Variants in UBE3A observed in about 807,000 individuals in gnomAD.
The protein encoded by UBE3A is ubiquitin protein ligase E3A.
Under a neutral mutation model 83.4 loss-of-function variants are expected in UBE3A, and 6 were observed. That is an observed-to-expected ratio of 0.07 (90% CI 0.04 to 0.14). The LOEUF (loss-of-function observed/expected upper bound fraction) is 0.14, where lower values mean the gene tolerates loss of function less well. Ranked by LOEUF, UBE3A falls within the 10% of genes least tolerant of loss-of-function variation. The pLI is 1.00. For synonymous variants in UBE3A, 337 were observed against 355.4 expected, an observed-to-expected ratio of 0.95 and a Z score of 0.58; for missense variants, 456 against 1,036.1, an observed-to-expected ratio of 0.44 and a Z score of 7.69.
At chr15:25,433,193 G>GTTTTT (rs34825571) in intron 1 of UBE3A, among the ~76,000 whole-genome samples, 3 of 140,670 alleles carry the variant, frequency 2.1e-5, no homozygotes, top group Non-Finnish European at 1.5e-5. Context: ...TTTCTAAAAA[G>GTTTTT]TTTTTTTTTT....
Position 25,367,026 on chromosome 15 carries a change from A to G in UBE3A, c.1608+3540T>C, listed in dbSNP as rs978398461. Among the ~76,000 whole-genome samples, 4 of 151,852 alleles carry G rather than the reference A, an allele frequency of 2.6e-5. No individual in the cohort carries two copies. The East Asian group carries it at 7.8e-4, about 29-fold the overall frequency. On this transcript the variant is annotated intron_variant, in intron 6 of 12. Coordinates refer to ENST00000648336, the MANE Select transcript of UBE3A (RefSeq NM_130839.5). ...TGAGGGACCTCATGATGGCAATACT[A>G]TATTCTTCCATAAACTTATAACCTC...
chr15:25,422,193 G>A (rs1424318999), intron 1 of UBE3A, among the ~76,000 whole-genome samples: 1 of 152,174 alleles, frequency 6.6e-6, no homozygotes, highest in East Asian at 1.9e-4. Flanking sequence ...AAGAGTACAT[G>A]TTACTTGATT....
At chr15:25,365,203 T>G (rs2078888320) in intron 6 of UBE3A, among the ~76,000 whole-genome samples, 1 of 152,212 alleles carries the variant, frequency 6.6e-6, no homozygotes, top group East Asian at 1.9e-4. Context: ...AAAAAAAATC[T>G]GACCTGATAT....
intron 2 of UBE3A, among the ~76,000 whole-genome samples, chr15:25,409,790 A>C (rs1240822355): frequency 1.3e-5 from 2 of 152,186 alleles, no homozygotes; most frequent in Non-Finnish European, 2.9e-5. Context: ...GCAATCAGTC[A>C]CCAAGGAGGG....
At position 25,384,829 on chromosome 15, in the gene UBE3A, G is replaced by A. The variant is rs28798996; in HGVS notation, c.63-9066C>T. Among the ~76,000 whole-genome samples the A allele has an allele frequency of 4.6e-3, 693 of 152,238 alleles. 2 individuals carry two copies. The highest frequency in any genetic ancestry group is 0.015 in the African/African-American group (613 of 41,540). On this transcript the variant is annotated intron_variant, in intron 4 of 12. Coordinates refer to ENST00000648336, the MANE Select transcript of UBE3A (RefSeq NM_130839.5). ...ATAAAGACAGATATACAGACCAAGT[G>A]AGCAGAAGAGAGAACACAGAAATAG...
At chr15:25,407,429 A>C in intron 3 of UBE3A, 1 of 289,754 alleles carries the variant, frequency 3.5e-6, no homozygotes. Flanking sequence ...TCTAAGTCTT[A>C]GAAGTACAAT....
chr15:25,396,832 A>T (rs2085690432), intron 4 of UBE3A, among the ~76,000 whole-genome samples: 1 of 152,130 alleles, frequency 6.6e-6, no homozygotes, highest in African/African-American at 2.4e-5. Context: ...AATTGGCAAC[A>T]CTAAGAATTC....
intron 3 of UBE3A, chr15:25,408,436 T>A: frequency 1.2e-6 from 1 of 803,234 alleles, no homozygotes; most frequent in Non-Finnish European, 2.0e-6. Context: ...CTAAAGTGTG[T>A]CAGAATAACA....
intron 3 of UBE3A, chr15:25,407,119 T>G (rs753068193): frequency 2.2e-6 from 3 of 1,350,958 alleles, no homozygotes; most frequent in Non-Finnish European, 9.8e-7. Context: ...TCCAAACTTG[T>G]ATCTCCCAGA....
At chr15:25,351,201 G>A (rs899010930) in intron 11 of UBE3A, among the ~76,000 whole-genome samples, 35 of 152,150 alleles carry the variant, frequency 2.3e-4, no homozygotes, top group Non-Finnish European at 4.6e-4. Flanking sequence ...TTATATACAT[G>A]TATACAGATC....
chr15:25,395,383 T>C (rs1401267234), intron 4 of UBE3A, among the ~76,000 whole-genome samples: 1 of 152,216 alleles, frequency 6.6e-6, no homozygotes, highest in African/African-American at 2.4e-5. Flanking sequence ...AAACAATTTC[T>C]TTCTTTTGCC....
intron 1 of UBE3A, among the ~76,000 whole-genome samples, chr15:25,435,013 CACACACAA>C (rs1281776663): frequency 2.0e-5 from 2 of 101,456 alleles, no homozygotes; most frequent in African/African-American, 3.5e-5. Context: ...CACACACACA[CACACACAA>C]ATACTAATAC....
At chr15:25,417,736 T>C (rs1887615237) in intron 1 of UBE3A, among the ~76,000 whole-genome samples, 1 of 151,732 alleles carries the variant, frequency 6.6e-6, no homozygotes. Flanking sequence ...TGAAAAATAA[T>C]GAATATGATG....
chr15:25,387,877 G>C (rs2083466547), intron 4 of UBE3A, among the ~76,000 whole-genome samples: 1 of 152,114 alleles, frequency 6.6e-6, no homozygotes, highest in Non-Finnish European at 1.5e-5. Flanking sequence ...TAGATGAAAT[G>C]AATCAATTCC....
At chr15:25,403,057 T>C (rs1178970510) in intron 4 of UBE3A, among the ~76,000 whole-genome samples, 1 of 152,236 alleles carries the variant, frequency 6.6e-6, no homozygotes, top group Non-Finnish European at 1.5e-5. Flanking sequence ...CACATGCCAC[T>C]AATGATTCTG....
At chr15:25,406,272 G>C (rs1245071571) in intron 3 of UBE3A, among the ~76,000 whole-genome samples, 1 of 152,140 alleles carries the variant, frequency 6.6e-6, no homozygotes, top group Non-Finnish European at 1.5e-5. Flanking sequence ...TACACTTACT[G>C]TATGTATTAC....
At chr15:25,373,796 A>C (rs532949840) in intron 5 of UBE3A, 1 of 152,248 alleles carries the variant, frequency 6.6e-6, no homozygotes, top group African/African-American at 2.4e-5. Context: ...TAATATGTTA[A>C]ACTGAATTTT....
At chr15:25,359,566 C>T (rs1595644947) in intron 7 of UBE3A, among the ~76,000 whole-genome samples, 2 of 152,072 alleles carry the variant, frequency 1.3e-5, no homozygotes, top group African/African-American at 4.8e-5. Context: ...TCTATGCACA[C>T]TCCTCACAAT....
chr15:25,387,187 C>T (rs1405637380), intron 4 of UBE3A, among the ~76,000 whole-genome samples: 2 of 152,084 alleles, frequency 1.3e-5, no homozygotes, highest in Non-Finnish European at 2.9e-5. Context: ...GTGAAAGCAG[C>T]GCTTAGAAAG....
Sources: gnomAD v4.1 joint callset for allele counts (sites outside exome capture counted in the v4.1 genomes callset) on GRCh38, gnomAD v4.1.1 for gene constraint, MANE v1.5 for transcripts, NCBI Gene and HGNC (gene_info 2026-07-23, HGNC 2026-07-21) for gene names.